EPS8: variants seen among roughly 807,000 people sequenced by gnomAD.
EPS8 encodes epidermal growth factor receptor kinase substrate 8.
In EPS8, 42 loss-of-function variants were observed where a neutral mutation model predicts 103.8. That is an observed-to-expected ratio of 0.40 (90% CI 0.32 to 0.52). The LOEUF (loss-of-function observed/expected upper bound fraction) is 0.52, where lower values mean the gene tolerates loss of function less well. Among genes scored for constraint, EPS8 ranks in the 20% least tolerant of loss-of-function variants. The pLI is 0.40. For synonymous variants in EPS8, 344 were observed against 344.6 expected (o/e 1.00, Z 0.02); for missense variants, 969 against 1,005.1 (o/e 0.96, Z 0.49).
chr12:15,744,587 A>G lies in EPS8; in HGVS notation c.-22+44574T>C, dbSNP rs138583811. On this transcript the variant is annotated intron_variant, in intron 1 of 20. Coordinates refer to ENST00000281172, the MANE Select transcript of EPS8 (RefSeq NM_004447.6). ...TATTTAATAATTTGATTCTTACAAC[A>G]AGCCCATGAAGGTAAGTTGTAATAC... Among the ~76,000 whole-genome samples the G allele has an allele frequency of 4.8e-3, 734 of 152,352 alleles. 1 individual carries two copies. The highest frequency in any genetic ancestry group is 7.5e-3 in the Non-Finnish European group (510 of 68,034).
At chr12:15,645,019 ATTCT>A (rs1334422871) in intron 15 of EPS8, among the ~76,000 whole-genome samples, 1 of 152,154 alleles carries the variant, frequency 6.6e-6, no homozygotes, top group Non-Finnish European at 1.5e-5. Context: ...ATTCAAAAAA[ATTCT>A]TTCTATGGTG....
In EPS8 at chr12:15,621,039, T is replaced by G; in HGVS notation, c.*278A>C. ...AACAATTCCTGTTTATACCCTGGGA[T>G]GGGGATAAAATAATTAGTCTAATTA... is the stretch of plus-strand genomic sequence containing the variant. On this transcript the variant is annotated 3_prime_UTR_variant, in exon 21 of 21. Coordinates refer to ENST00000281172, the MANE Select transcript of EPS8 (RefSeq NM_004447.6). 3 of 290,380 alleles carry G rather than the reference T, an allele frequency of 1.0e-5. No homozygotes were observed. The highest frequency in any genetic ancestry group is 2.2e-5 in the African/African-American group (1 of 45,144). 18.0% of individuals were successfully genotyped at this position (290,380 alleles called of 1,614,324 possible).
At chr12:15,774,052 A>G (rs1591934863) in intron 1 of EPS8, among the ~76,000 whole-genome samples, 1 of 152,264 alleles carries the variant, frequency 6.6e-6, no homozygotes, top group Non-Finnish European at 1.5e-5. Context: ...TACTGCAGAA[A>G]AGCAGGAAAA....
rs1339990427 is a variant in EPS8, at chr12:15,731,751, C to T, written c.-21-48779G>A. On this transcript the variant is annotated intron_variant, in intron 1 of 20. Coordinates refer to ENST00000281172, the MANE Select transcript of EPS8 (RefSeq NM_004447.6). The surrounding 1 kb of genome is among the most constrained non-coding windows in gnomAD (Gnocchi z 5.1). The stretch of plus-strand genomic sequence containing the variant: ...TCGTGTAAGGGTCAATAATTTCAAT[C>T]ATCCCCCAAACTGGCAGCAAAAAGC... 3.3e-5 allele frequency among the ~76,000 whole-genome samples: 5 copies of T among 152,160 alleles called. No homozygotes were observed. The highest frequency in any genetic ancestry group is 4.4e-5 in the Non-Finnish European group (3 of 68,018).
At chr12:15,631,140 G>A (rs924406922) in intron 18 of EPS8, among the ~76,000 whole-genome samples, 25 of 152,190 alleles carry the variant, frequency 1.6e-4, no homozygotes, top group African/African-American at 5.3e-4. Flanking sequence ...TTGAAGGTCA[G>A]GAAGCTGGCA....
intron 1 of EPS8, among the ~76,000 whole-genome samples, chr12:15,715,362 A>G: frequency 6.7e-6 from 1 of 148,188 alleles, no homozygotes; most frequent in Non-Finnish European, 1.5e-5. Flanking sequence ...GCTGATCCCA[A>G]GAGCGCTTTC....
chr12:15,694,107 C>A (rs865935150), intron 1 of EPS8, among the ~76,000 whole-genome samples: 1 of 152,130 alleles, frequency 6.6e-6, no homozygotes, highest in Non-Finnish European at 1.5e-5. Context: ...TGCCATTTTT[C>A]TGTAGCATAT....
At chr12:15,632,649 T>C (rs956957655) in intron 17 of EPS8, among the ~76,000 whole-genome samples, 1 of 152,226 alleles carries the variant, frequency 6.6e-6, no homozygotes, top group African/African-American at 2.4e-5. Context: ...GGTAATCTGG[T>C]CCTTTGATTA....
chr12:15,641,943 C>A, intron 15 of EPS8, 113 bp from the exon 16 acceptor site: 1 of 457,318 alleles, frequency 2.2e-6, no homozygotes, highest in Non-Finnish European at 3.8e-6. Flanking sequence ...AAAATTACAG[C>A]AGTTTCATTT....
At position 15,749,765 on chromosome 12, in the gene EPS8, A is replaced by C. The variant is rs1448501309; in HGVS notation, c.-22+39396T>G. Among the ~76,000 whole-genome samples the C allele has an allele frequency of 6.6e-6, 1 of 152,196 alleles. No homozygotes were observed. The highest frequency in any genetic ancestry group is 2.4e-5 in the African/African-American group (1 of 41,438). ...TTAAGTGATTACATGTTGAGATTAT[A>C]GATATTTTCTTCTTTATTTTCTGTT... On this transcript the variant is annotated intron_variant, in intron 1 of 20. Coordinates refer to ENST00000281172, the MANE Select transcript of EPS8 (RefSeq NM_004447.6). This position sits in a 1 kb window ranked among gnomAD's most constrained non-coding sequence, Gnocchi z 4.0.
rs1946068862 is a variant in EPS8, at chr12:15,684,817, A to G, written c.-21-1845T>C. On this transcript the variant is annotated intron_variant, in intron 1 of 20. Coordinates refer to ENST00000281172, the MANE Select transcript of EPS8 (RefSeq NM_004447.6). This position sits in a 1 kb window ranked among gnomAD's most constrained non-coding sequence, Gnocchi z 4.9. ...TGCTTAAAAGCACATTTATAAATTA[A>G]GAAGCAAAGAAAGATCGGCCTCTGC... Among the ~76,000 whole-genome samples, 1 of 152,366 alleles carries G rather than the reference A, an allele frequency of 6.6e-6. No homozygotes were observed. The highest frequency in any genetic ancestry group is 2.4e-5 in the African/African-American group (1 of 41,598).
chr12:15,756,021 C>T (rs945068844), intron 1 of EPS8, among the ~76,000 whole-genome samples: 3 of 152,182 alleles, frequency 2.0e-5, no homozygotes, highest in African/African-American at 7.2e-5. Flanking sequence ...CTAATCACAT[C>T]TTCCCTCTGT....
intron 1 of EPS8, among the ~76,000 whole-genome samples, chr12:15,687,109 G>C (rs1373886132): frequency 6.6e-6 from 1 of 151,466 alleles, no homozygotes; most frequent in Non-Finnish European, 1.5e-5. Flanking sequence ...CAATGATTTT[G>C]TTTCAAACAT....
At position 15,693,720 on chromosome 12, in the gene EPS8, G is replaced by A. The variant is rs1402107077; in HGVS notation, c.-21-10748C>T. 6.6e-6 allele frequency among the ~76,000 whole-genome samples: 1 copy of A among 152,162 alleles called. No homozygotes were observed. The highest frequency in any genetic ancestry group is 2.4e-5 in the African/African-American group (1 of 41,450). On this transcript the variant is annotated intron_variant, in intron 1 of 20. Transcript: ENST00000281172. This position sits in a 1 kb window ranked among gnomAD's most constrained non-coding sequence, Gnocchi z 5.6. ...TGGAATACTATGCAGCCATAAAAAG[G>A]AATGAAAACATGTCCTTTGCAGGGA...
In EPS8 at chr12:15,731,244, G is replaced by A. The variant is rs1032655151; in HGVS notation, c.-21-48272C>T. 6.6e-6 allele frequency among the ~76,000 whole-genome samples: 1 copy of A among 151,828 alleles called. No homozygotes were observed. Among genetic ancestry groups the A allele is most frequent in the Non-Finnish European group, 1.5e-5 (1 of 67,966 alleles). On this transcript the variant is annotated intron_variant, in intron 1 of 20. Coordinates refer to ENST00000281172, the MANE Select transcript of EPS8 (RefSeq NM_004447.6). The surrounding 1 kb of genome is among the most constrained non-coding windows in gnomAD (Gnocchi z 5.1). ...GTTTATTCTCTTTTCAAAGTATTTT[G>A]AAGACAAATTCAGAATATAAAACTT...
chr12:15,727,650 G>C lies in EPS8; in HGVS notation c.-21-44678C>G, dbSNP rs1393912973. Among the ~76,000 whole-genome samples, 2 of 152,156 alleles carry C rather than the reference G, an allele frequency of 1.3e-5. No homozygotes were observed. The highest frequency in any genetic ancestry group is 3.9e-4 in the East Asian group (2 of 5,192). On this transcript the variant is annotated intron_variant, in intron 1 of 20. Coordinates refer to ENST00000281172, the MANE Select transcript of EPS8 (RefSeq NM_004447.6). This position sits in a 1 kb window ranked among gnomAD's most constrained non-coding sequence, Gnocchi z 4.3. ...CGAGGTGGGCGGATCACGAGGTCAG[G>C]AGTTCGAGACCAGCCTGACCAACAC...
chr12:15,627,313 G>T (rs942401945), intron 18 of EPS8, among the ~76,000 whole-genome samples: 1 of 152,064 alleles, frequency 6.6e-6, no homozygotes, highest in African/African-American at 2.4e-5. Flanking sequence ...CAACTTAATC[G>T]TTTTTTAACC....
At chr12:15,788,732 C>A (rs1947335536) in intron 1 of EPS8, among the ~76,000 whole-genome samples, 1 of 152,196 alleles carries the variant, frequency 6.6e-6, no homozygotes, top group Non-Finnish European at 1.5e-5. Context: ...TTGAAAAGAA[C>A]CCCTCCCCAT....
In EPS8 at chr12:15,646,878, C is replaced by A. The variant is rs10772867; in HGVS notation, c.1568+249G>T. 1 allele frequency among the ~76,000 whole-genome samples: 152,276 copies of A among 152,358 alleles called. 76,097 individuals carry two copies. Among genetic ancestry groups the A allele is most frequent in the Non-Finnish European group, 1 (68,044 of 68,044 alleles). ...TTCTTCTTAATGTACACATTTTGTC[C>A]GAAGTATCTTTTAAAAAATGGAAAG... On this transcript the variant is annotated intron_variant, in intron 15 of 20. Coordinates refer to ENST00000281172, the MANE Select transcript of EPS8 (RefSeq NM_004447.6).
Sources: gnomAD v4.1 joint callset for allele counts (sites outside exome capture counted in the v4.1 genomes callset) on GRCh38, gnomAD v4.1.1 for gene constraint, Gnocchi (gnomAD v3.1) non-coding constraint, MANE v1.5 for transcripts, NCBI Gene and HGNC (gene_info 2026-07-23, HGNC 2026-07-21) for gene names.